GRK4: variants seen among roughly 807,000 people sequenced by gnomAD.
The protein encoded by GRK4 is G protein-coupled receptor kinase 4.
A neutral mutation model predicts 77.9 loss-of-function variants in GRK4; 73 were observed. That is an observed-to-expected ratio of 0.94 (90% CI 0.78 to 1.14). The LOEUF (loss-of-function observed/expected upper bound fraction) is 1.14. Ranked by LOEUF, GRK4 falls within the 50% of genes most tolerant of loss-of-function variation. The probability of loss-of-function intolerance (pLI) is 0.00; values close to 1 mark genes in which losing one functional copy is unlikely to be tolerated. For missense variants in GRK4, 729 were observed against 700.2 expected (o/e 1.04, Z -0.46); for synonymous variants, 257 against 254.4 (o/e 1.01, Z -0.10).
intron 12 of GRK4, among the ~76,000 whole-genome samples, chr4:3,034,944 T>C (rs979914727): frequency 6.6e-5 from 10 of 152,200 alleles, no homozygotes; most frequent in African/African-American, 2.4e-4. Context: ...TCCTGAGGTC[T>C]GCTTGATGCT....
intron 13 of GRK4, among the ~76,000 whole-genome samples, chr4:3,036,737 C>T (rs771053702): frequency 3.9e-5 from 6 of 152,106 alleles, no homozygotes; most frequent in Non-Finnish European, 8.8e-5. Context: ...GGGAGCTGAG[C>T]GGAGGGATGA....
intron 1 of GRK4, chr4:2,965,390 T>C (rs1223970997): frequency 1.4e-6 from 1 of 702,938 alleles, no homozygotes; most frequent in African/African-American, 1.7e-5. Flanking sequence ...GGACCTCAAG[T>C]CCCTGTGCTA....
chr4:3,034,247 C>A (rs146390690), intron 12 of GRK4, among the ~76,000 whole-genome samples: 8 of 152,218 alleles, frequency 5.3e-5, no homozygotes, highest in Admixed American at 2.6e-4. Flanking sequence ...CAGGCACAGC[C>A]CAGCAAGGAG....
chr4:3,028,188 C>T (rs567192613), intron 11 of GRK4, among the ~76,000 whole-genome samples, 187 bp downstream of exon 11: 4 of 152,256 alleles, frequency 2.6e-5, no homozygotes, highest in South Asian at 2.1e-4. Flanking sequence ...AGGCTGCCCT[C>T]AGCTTCTTAC....
chr4:2,965,538 G>C (rs746519355), intron 1 of GRK4: 2 of 689,786 alleles, frequency 2.9e-6, no homozygotes, highest in Non-Finnish European at 5.3e-6. Flanking sequence ...AGCAGCCGGC[G>C]ATGCATATTT....
chr4:3,023,320 A>G (rs1012729821), intron 10 of GRK4, among the ~76,000 whole-genome samples: 1 of 152,180 alleles, frequency 6.6e-6, no homozygotes, highest in African/African-American at 2.4e-5. Context: ...GGTTGTGCTC[A>G]CACATAGCTC....
intron 12 of GRK4, among the ~76,000 whole-genome samples, 166 bp downstream of exon 12, chr4:3,029,575 G>T (rs548614920): frequency 4.6e-5 from 7 of 152,168 alleles, no homozygotes; most frequent in African/African-American, 1.4e-4. Context: ...GAGGACACGC[G>T]TGTTCAGGAG....
chr4:3,034,649 G>C (rs1740090708), intron 12 of GRK4, among the ~76,000 whole-genome samples: 1 of 152,164 alleles, frequency 6.6e-6, no homozygotes, highest in South Asian at 2.1e-4. Flanking sequence ...TTTCTAAAGA[G>C]ATCCTTTCTG....
chr4:3,025,247 G>C (rs935117380), intron 10 of GRK4, among the ~76,000 whole-genome samples: 1 of 146,106 alleles, frequency 6.8e-6, no homozygotes, highest in African/African-American at 2.6e-5. Flanking sequence ...CTCCAGCCTA[G>C]GTGACAGAGT....
rs540010355 is a variant in GRK4 at position 3,024,272 on chromosome 4, G to A, written c.970+1821G>A. ...TCCTTTTTTTAAAGTTCTTTTTAAG[G>A]TCAGGGTCTCTCTATGCTACCCAGG... is the stretch of plus-strand genomic sequence containing the variant. On this transcript the variant is annotated intron_variant, in intron 10 of 15. Coordinates refer to ENST00000398052, the MANE Select transcript of GRK4 (RefSeq NM_182982.3). Among the ~76,000 whole-genome samples, 3 of 152,118 alleles carry A rather than the reference G, an allele frequency of 2.0e-5. No individual in the cohort carries two copies. The South Asian group carries it at 6.2e-4, about 32-fold the overall frequency.
chr4:3,036,469 G>C (rs192006819), intron 13 of GRK4, among the ~76,000 whole-genome samples: 1 of 152,392 alleles, frequency 6.6e-6, no homozygotes, highest in East Asian at 1.9e-4. Context: ...ACTCACTGTA[G>C]TGCACAAGTC....
intron 10 of GRK4, among the ~76,000 whole-genome samples, chr4:3,026,409 A>C (rs1737577753): frequency 6.6e-6 from 1 of 152,198 alleles, no homozygotes; most frequent in Non-Finnish European, 1.5e-5. Flanking sequence ...AAGTCACAAC[A>C]TGTTAGCACT....
At chr4:2,992,043 C>CTT (rs34577267) in intron 3 of GRK4, among the ~76,000 whole-genome samples, 172 bp from the exon 4 acceptor site, 1 of 143,408 alleles carries the variant, frequency 7.0e-6, no homozygotes. Context: ...AGAAGCTTAA[C>CTT]TTTTTTTTTT....
chr4:2,978,671 A>G (rs559535003), intron 1 of GRK4, among the ~76,000 whole-genome samples: 2 of 152,294 alleles, frequency 1.3e-5, no homozygotes, highest in Admixed American at 1.3e-4. Context: ...CAGGCCAGGC[A>G]AGGTGGCTCA....
intron 9 of GRK4, among the ~76,000 whole-genome samples, chr4:3,022,033 C>T (rs1736240356): frequency 6.6e-6 from 1 of 152,170 alleles, no homozygotes; most frequent in African/African-American, 2.4e-5. Flanking sequence ...CACACCACTG[C>T]ACCCAGCTTG....
rs776408925 is a variant in GRK4, at chr4:3,007,778, C to G, written c.486C>G (p.Tyr162Ter). 1 of 1,611,036 alleles carries G rather than the reference C, an allele frequency of 6.2e-7. No individual in the cohort carries two copies. Among genetic ancestry groups the G allele is most frequent in the African/African-American group, 1.3e-5 (1 of 74,812 alleles). ...TAAGAGGGGAACCATTTGAAGAATACCAAGAAAGCTCATATTTTTCTCAGT... is the reference window on the plus strand; with the variant it reads ...TAAGAGGGGAACCATTTGAAGAATAGCAAGAAAGCTCATATTTTTCTCAGT... ...NYLRGEPFEE[Y>*]QESSYFSQFL... The change falls in exon 6 of 16, where the codon TAC (tyrosine) becomes TAG (stop). Residue 162 changes from tyrosine to a stop codon, truncating the protein, a stop_gained. Coordinates refer to ENST00000398052, the MANE Select transcript of GRK4 (RefSeq NM_182982.3). LOFTEE classifies it high-confidence loss of function.
At chr4:3,025,652 A>G (rs1031900871) in intron 10 of GRK4, among the ~76,000 whole-genome samples, 1 of 151,980 alleles carries the variant, frequency 6.6e-6, no homozygotes, top group African/African-American at 2.4e-5. Context: ...TCGGCCTCCC[A>G]AAGTGCTGGG....
At position 3,019,846 on chromosome 4, in the gene GRK4, A is replaced by G. The variant is rs781363172; in HGVS notation, c.932+15A>G. 7 of 1,596,112 alleles carry G rather than the reference A, an allele frequency of 4.4e-6. No homozygotes were observed. Among genetic ancestry groups the G allele is most frequent in the Middle Eastern group, 3.4e-4 (2 of 5,860 alleles). On this transcript the variant is annotated intron_variant, in intron 9 of 15. Transcript: ENST00000398052. Reference sequence around the variant, plus strand: ...ATTGTATACAGGTAAGAACGGTGCTACCTAATGGAGCCTGCAAGTCTTGGA... The same window carrying G: ...ATTGTATACAGGTAAGAACGGTGCTGCCTAATGGAGCCTGCAAGTCTTGGA...
intron 5 of GRK4, among the ~76,000 whole-genome samples, chr4:3,004,788 A>G (rs1024322): frequency 0.2 from 30,116 of 151,724 alleles, 3,453 homozygotes; most frequent in African/African-American, 0.32. Flanking sequence ...GAAGAGGAGG[A>G]GCTGGTCTTG....
Sources: allele counts gnomAD v4.1 joint callset (sites outside exome capture counted in the v4.1 genomes callset), GRCh38; gene constraint gnomAD v4.1.1; transcripts MANE v1.5; gene names NCBI Gene and HGNC (gene_info 2026-07-23, HGNC 2026-07-21).